MAP4K4: variants seen among roughly 807,000 people sequenced by gnomAD.
MAP4K4 encodes HPK/GCK-like kinase HGK.
A neutral mutation model predicts 189.6 loss-of-function variants in MAP4K4; 38 were observed. The observed-to-expected ratio is 0.20, with a 90% CI of 0.15 to 0.26. The LOEUF (loss-of-function observed/expected upper bound fraction) is 0.26. Ranked by LOEUF, MAP4K4 falls within the 10% of genes least tolerant of loss-of-function variation. The pLI is 1.00. For missense variants in MAP4K4, 1,054 were observed against 1,726.9 expected, an observed-to-expected ratio of 0.61 and a Z score of 6.91; for synonymous variants, 610 against 624.3, an observed-to-expected ratio of 0.98 and a Z score of 0.34.
chr2:101,876,947 C>T (rs2098222659), intron 26 of MAP4K4, 56 bp from the exon 27 acceptor site: 3 of 1,582,784 alleles, frequency 1.9e-6, no homozygotes, highest in Admixed American at 1.7e-5. Flanking sequence ...TCTATACAAC[C>T]TGGGGATTTG....
At chr2:101,771,091 C>A (rs2081217426) in intron 2 of MAP4K4, among the ~76,000 whole-genome samples, 1 of 152,190 alleles carries the variant, frequency 6.6e-6, no homozygotes, top group Non-Finnish European at 1.5e-5. Flanking sequence ...GGATATATCA[C>A]CATGTTCACA....
intron 27 of MAP4K4, among the ~76,000 whole-genome samples, chr2:101,881,734 A>T (rs2150210439): frequency 6.6e-6 from 1 of 152,236 alleles, no homozygotes; most frequent in South Asian, 2.1e-4. Context: ...TTTTTATTAT[A>T]AGTAGGTATT....
At chr2:101,747,022 C>T (rs1411705651) in intron 2 of MAP4K4, among the ~76,000 whole-genome samples, 1 of 152,152 alleles carries the variant, frequency 6.6e-6, no homozygotes, top group Admixed American at 6.6e-5. Context: ...ATCCTGACAT[C>T]CTGAGGGTAG....
At chr2:101,861,088 A>G (rs1340202197) in intron 16 of MAP4K4, 102 bp downstream of exon 16, 2 of 1,074,134 alleles carry the variant, frequency 1.9e-6, no homozygotes, top group African/African-American at 3.2e-5. Context: ...ACCACACTGA[A>G]AAAGAGGAGA....
At chr2:101,794,934 T>C (rs1468041528) in intron 3 of MAP4K4, among the ~76,000 whole-genome samples, 1 of 152,190 alleles carries the variant, frequency 6.6e-6, no homozygotes, top group Non-Finnish European at 1.5e-5. Flanking sequence ...TGTTCCTTTC[T>C]CTCCTATATT....
intron 2 of MAP4K4, among the ~76,000 whole-genome samples, chr2:101,710,960 C>T (rs1382094592): frequency 6.6e-6 from 1 of 152,202 alleles, no homozygotes; most frequent in Non-Finnish European, 1.5e-5. Context: ...CCTACATCTG[C>T]ACTGTTTGGT....
chr2:101,739,580 A>T (rs1422464876), intron 2 of MAP4K4, among the ~76,000 whole-genome samples: 1 of 152,162 alleles, frequency 6.6e-6, no homozygotes. Flanking sequence ...GCCTTATTGA[A>T]CTAGGGCTTA....
intron 2 of MAP4K4, among the ~76,000 whole-genome samples, chr2:101,763,006 G>A (rs917203409): frequency 9.9e-5 from 15 of 152,204 alleles, no homozygotes; most frequent in African/African-American, 3.4e-4. Flanking sequence ...CCTGAGGAAT[G>A]TGAGGCCAGA....
At chr2:101,706,345 A>G (rs942537558) in intron 2 of MAP4K4, among the ~76,000 whole-genome samples, 3 of 152,224 alleles carry the variant, frequency 2.0e-5, no homozygotes, top group African/African-American at 2.4e-5. Flanking sequence ...TTAAGTGGGC[A>G]TACCATAATT....
intron 27 of MAP4K4, among the ~76,000 whole-genome samples, chr2:101,880,750 G>A (rs1228943401): frequency 6.6e-6 from 1 of 152,070 alleles, no homozygotes; most frequent in Admixed American, 6.6e-5. Context: ...CTCATGATCC[G>A]CCCATCTCTG....
chr2:101,857,377 G>A (rs2097505886), intron 13 of MAP4K4, among the ~76,000 whole-genome samples: 1 of 152,146 alleles, frequency 6.6e-6, no homozygotes, highest in Non-Finnish European at 1.5e-5. Context: ...GATGCGTGTT[G>A]TGTATTGTTT....
At chr2:101,871,659 C>T in exon 24 of MAP4K4, 2 of 1,536,762 alleles carry the variant, frequency 1.3e-6, no homozygotes. Flanking sequence ...CCCACAGACA[C>T]CCCAGGACAA....
chr2:101,887,120 G>A (rs768583119), exon 30 of MAP4K4: 25 of 1,600,532 alleles, frequency 1.6e-5, no homozygotes, highest in East Asian at 2.2e-5. Flanking sequence ...AGCCATTACT[G>A]GTGGATCTCA....
chr2:101,759,008 C>T (rs1161777758), intron 2 of MAP4K4, among the ~76,000 whole-genome samples: 2 of 151,968 alleles, frequency 1.3e-5, no homozygotes, highest in Admixed American at 6.6e-5. Context: ...TGGCAGGCGC[C>T]TGTAGTCCCA....
chr2:101,790,618 G>T (rs1336177946), intron 2 of MAP4K4, 102 bp from the exon 3 acceptor site: 16 of 796,850 alleles, frequency 2.0e-5, no homozygotes, highest in Non-Finnish European at 3.0e-5. Flanking sequence ...TCAGAGATAA[G>T]TATAGTTGAG....
intron 2 of MAP4K4, among the ~76,000 whole-genome samples, chr2:101,710,875 GT>G (rs1406818272): frequency 1.3e-5 from 2 of 152,192 alleles, no homozygotes; most frequent in Non-Finnish European, 2.9e-5. Flanking sequence ...GGAGGGGTGT[GT>G]TCCATTGATT....
intron 11 of MAP4K4, 118 bp from the exon 12 acceptor site, chr2:101,843,983 G>A: frequency 1.5e-6 from 1 of 658,852 alleles, no homozygotes. Context: ...TTGTCTCCCT[G>A]GAGTCAGAGG....
intron 2 of MAP4K4, among the ~76,000 whole-genome samples, chr2:101,716,586 T>C (rs1209039767): frequency 6.6e-6 from 1 of 152,182 alleles, no homozygotes; most frequent in Non-Finnish European, 1.5e-5. Flanking sequence ...GGTGGTACTA[T>C]ATCAGTTAGC....
At chr2:101,795,272 A>G (rs1011214149) in intron 3 of MAP4K4, among the ~76,000 whole-genome samples, 14 of 152,222 alleles carry the variant, frequency 9.2e-5, no homozygotes. Context: ...TTTGGCATTC[A>G]TTTAATGATT....
Sources: allele counts gnomAD v4.1 joint callset (sites outside exome capture counted in the v4.1 genomes callset), GRCh38; gene constraint gnomAD v4.1.1; transcripts MANE v1.5; gene names NCBI Gene and HGNC (gene_info 2026-07-23, HGNC 2026-07-21).